N4BP2: variants seen among roughly 807,000 people sequenced by gnomAD.
N4BP2 encodes NEDD4 binding protein 2, also known as NEDD4-binding protein 2.
A neutral mutation model predicts 152.8 loss-of-function variants in N4BP2; 91 were observed. That is an observed-to-expected ratio of 0.60 (90% CI 0.50 to 0.71). The LOEUF is 0.71. Ranked by LOEUF, N4BP2 falls within the 30% of genes least tolerant of loss-of-function variation. The pLI is 0.00. For synonymous variants in N4BP2, 646 were observed against 705.3 expected (o/e 0.92, Z 1.33); for missense variants, 1,923 against 2,059.1 (o/e 0.93, Z 1.28).
chr4:40,113,566 G>A (rs755792095), intron 7 of N4BP2, 58 bp downstream of exon 7: 53 of 1,211,710 alleles, frequency 4.4e-5, no homozygotes, highest in African/African-American at 7.5e-5. Flanking sequence ...GACAAGGTCC[G>A]TTTAGATTTT....
chr4:40,113,644 C>A, intron 7 of N4BP2, 136 bp downstream of exon 7: 1 of 692,878 alleles, frequency 1.4e-6, no homozygotes, highest in Non-Finnish European at 2.6e-6. Flanking sequence ...GGCTTTTTGT[C>A]CAGTTTTATG....
intron 8 of N4BP2, 23 bp downstream of exon 8, chr4:40,118,047 C>A: frequency 6.7e-7 from 1 of 1,486,096 alleles, no homozygotes; most frequent in Non-Finnish European, 9.0e-7. Flanking sequence ...GCCTTATGTA[C>A]AAAATTCAAT....
At chr4:40,174,373 A>G in the N4BP2 span, among the ~76,000 whole-genome samples, 2 of 152,066 alleles carry the variant, frequency 1.3e-5, no homozygotes, top group Non-Finnish European at 2.9e-5. Context: ...TGAGCCAGCA[A>G]TCCCTCTTCT....
intron 1 of N4BP2, among the ~76,000 whole-genome samples, chr4:40,072,157 C>T (rs763250420): frequency 6.6e-6 from 1 of 151,862 alleles, no homozygotes; most frequent in Non-Finnish European, 1.5e-5. Context: ...TCACTGCAAT[C>T]TCCGCCTTCC....
intron 12 of N4BP2, among the ~76,000 whole-genome samples, chr4:40,129,247 G>A (rs1718698893): frequency 6.6e-6 from 1 of 151,604 alleles, no homozygotes; most frequent in Non-Finnish European, 1.5e-5. Context: ...TTTTTTTTGA[G>A]ACAGAGTCTC....
chr4:40,126,444 T>C, intron 12 of N4BP2, 114 bp downstream of exon 12: 1 of 525,814 alleles, frequency 1.9e-6, no homozygotes, highest in South Asian at 4.3e-5. Flanking sequence ...TTAACCTGAT[T>C]GAATTTAATG....
chr4:40,097,047 A>C (rs933020447), intron 2 of N4BP2, among the ~76,000 whole-genome samples, 180 bp from the exon 3 acceptor site: 1 of 152,190 alleles, frequency 6.6e-6, no homozygotes, highest in African/African-American at 2.4e-5. Flanking sequence ...TTAACATCTT[A>C]ATTTTTAACA....
intron 7 of N4BP2, 25 bp downstream of exon 7, chr4:40,113,533 T>C: frequency 6.6e-7 from 1 of 1,510,098 alleles, no homozygotes. Flanking sequence ...CTACCTAACA[T>C]GCTTTTTATG....
At chr4:40,089,993 T>C (rs1482148264) in intron 2 of N4BP2, among the ~76,000 whole-genome samples, 1 of 152,222 alleles carries the variant, frequency 6.6e-6, no homozygotes, top group Non-Finnish European at 1.5e-5. Context: ...TTTTACTGAT[T>C]GATGTCCACT....
At chr4:40,190,460 T>C in the N4BP2 span, among the ~76,000 whole-genome samples, 3 of 152,200 alleles carry the variant, frequency 2.0e-5, no homozygotes. Flanking sequence ...AATAAACACA[T>C]GACATTAGAA....
At chr4:40,182,609 C>T in the N4BP2 span, among the ~76,000 whole-genome samples, 8 of 151,922 alleles carry the variant, frequency 5.3e-5, no homozygotes, top group Non-Finnish European at 1.2e-4. Context: ...GCCACCATGC[C>T]GGGCTAAAAT....
chr4:40,139,802 T>C (rs1017900421), intron 14 of N4BP2, among the ~76,000 whole-genome samples: 1 of 9,320 alleles, frequency 1.1e-4, no homozygotes, highest in Non-Finnish European at 2.6e-4. Flanking sequence ...AGCATTAGGC[T>C]TTTTTTTTTT....
chr4:40,139,491 C>CTTTT (rs1226118008), intron 14 of N4BP2, among the ~76,000 whole-genome samples: 11 of 125,784 alleles, frequency 8.7e-5, no homozygotes, highest in Non-Finnish European at 1.5e-4. Context: ...CAGCATTAGG[C>CTTTT]TTTTTTTTTT....
chr4:40,124,702 G>A (rs929011305), intron 11 of N4BP2, among the ~76,000 whole-genome samples: 5 of 152,064 alleles, frequency 3.3e-5, no homozygotes, highest in Non-Finnish European at 7.4e-5. Flanking sequence ...AAACTTAAAG[G>A]GGGAAAAAGC....
chr4:40,071,837 A>AT (rs60101951), intron 1 of N4BP2, among the ~76,000 whole-genome samples: 2,307 of 152,228 alleles, frequency 0.015, 55 homozygotes, highest in African/African-American at 0.052. Context: ...AAGTGCTGGG[A>AT]TTATAGGTGT....
chr4:40,182,050 C>T, the N4BP2 span, among the ~76,000 whole-genome samples: 1 of 152,224 alleles, frequency 6.6e-6, no homozygotes, highest in Non-Finnish European at 1.5e-5. Flanking sequence ...GACTTAGCCA[C>T]ATGACTACAT....
At chr4:40,133,405 G>C (rs2664208) in intron 13 of N4BP2, among the ~76,000 whole-genome samples, 12,432 of 152,098 alleles carry the variant, frequency 0.082, 934 homozygotes, top group East Asian at 0.41. Context: ...GCACCATCGT[G>C]GCTCACTGCA....
chr4:40,088,497 T>G (rs1714195731), intron 2 of N4BP2, among the ~76,000 whole-genome samples: 2 of 144,654 alleles, frequency 1.4e-5, no homozygotes, highest in Admixed American at 1.4e-4. Flanking sequence ...TAATATCTCA[T>G]TATAGTTTTT....
At chr4:40,181,449 C>A in the N4BP2 span, among the ~76,000 whole-genome samples, 1 of 152,290 alleles carries the variant, frequency 6.6e-6, no homozygotes, top group African/African-American at 2.4e-5. Flanking sequence ...AACCCCCAAG[C>A]AATGGTGGGC....
Sources: gnomAD v4.1 joint callset for allele counts (sites outside exome capture counted in the v4.1 genomes callset) on GRCh38, gnomAD v4.1.1 for gene constraint, MANE v1.5 for transcripts, NCBI Gene and HGNC (gene_info 2026-07-23, HGNC 2026-07-21) for gene names.